ZNF136: variants seen among roughly 807,000 people sequenced by gnomAD.
ZNF136 encodes the protein zinc finger protein 136.
A neutral mutation model predicts 11.4 loss-of-function variants in ZNF136; 8 were observed. The ratio of observed to expected loss-of-function variants is 0.70; its 90% CI spans 0.41 to 1.27. The LOEUF (loss-of-function observed/expected upper bound fraction) is 1.27, where lower values mean the gene tolerates loss of function less well. Ranked by LOEUF, ZNF136 falls within the 50% of genes most tolerant of loss-of-function variation. The pLI is 0.01. For synonymous variants in ZNF136, 190 were observed against 207.1 expected (o/e 0.92, Z 0.71); for missense variants, 590 against 656.5 (o/e 0.90, Z 1.11).
At chr19:12,169,498 A>C (rs893390686) in intron 1 of ZNF136, 3 of 152,146 alleles carry the variant, frequency 2.0e-5, no homozygotes, top group African/African-American at 7.2e-5. Flanking sequence ...AGTGTAGTAA[A>C]CTTTTGAATG....
intron 1 of ZNF136, among the ~76,000 whole-genome samples, chr19:12,165,705 T>C (rs1977176473): frequency 6.6e-6 from 1 of 152,240 alleles, no homozygotes; most frequent in Non-Finnish European, 1.5e-5. Context: ...CACAGTGGTG[T>C]GGATTTTATG....
rs899366176 is a variant in ZNF136, at chr19:12,174,180, C to T, written c.3+10974C>T. ...TCGGCCTCCCAAAGTGCTGAGATTA[C>T]AGGCGTGAGCCACCACATTTGGCCA... On this transcript the variant is annotated intron_variant, in intron 1 of 3. Coordinates refer to ENST00000343979, the MANE Select transcript of ZNF136 (RefSeq NM_003437.5). 3.3e-5 allele frequency among the ~76,000 whole-genome samples: 5 copies of T among 152,336 alleles called. No individual in the cohort carries two copies. The South Asian group carries it at 1.0e-3, about 32-fold the overall frequency.
At chr19:12,173,531 ACT>A (rs1178829851) in intron 1 of ZNF136, among the ~76,000 whole-genome samples, 1 of 152,044 alleles carries the variant, frequency 6.6e-6, no homozygotes, top group Non-Finnish European at 1.5e-5. Flanking sequence ...TCATACTGTA[ACT>A]CTACCGGAAT....
intron 1 of ZNF136, among the ~76,000 whole-genome samples, chr19:12,165,323 C>T (rs2145624717): frequency 6.6e-6 from 1 of 152,222 alleles, no homozygotes; most frequent in East Asian, 1.9e-4. Context: ...TGGAGTCAGA[C>T]GAATGTCTGT....
At position 12,189,257 on chromosome 19, in the gene ZNF136, C is replaced by T. The variant is rs1385641327; in HGVS notation, c.*1256C>T. 6.6e-6 allele frequency: 1 copy of T among 152,194 alleles called. No homozygotes were observed. Among genetic ancestry groups the T allele is most frequent in the African/African-American group, 2.4e-5 (1 of 41,452 alleles). The allele number at this position is 152,194 out of a possible 1,614,324, so 9.4% of individuals were successfully genotyped here. On this transcript the variant is annotated 3_prime_UTR_variant, in exon 4 of 4. Transcript: ENST00000343979. ...AATGTTGGTATGAACCTACTTGCTT[C>T]ATTTAGCAGGTTCTTGATTCCCTTT...
At chr19:12,166,531 A>G (rs1042579171) in intron 1 of ZNF136, among the ~76,000 whole-genome samples, 5 of 152,196 alleles carry the variant, frequency 3.3e-5, no homozygotes, top group African/African-American at 1.2e-4. Context: ...TGCAAGGTGG[A>G]GAATTTGTGA....
intron 1 of ZNF136, among the ~76,000 whole-genome samples, chr19:12,170,786 C>T (rs558176248): frequency 1.3e-5 from 2 of 152,038 alleles, no homozygotes; most frequent in Admixed American, 6.6e-5. Flanking sequence ...TCTCTTGCCT[C>T]AGCCTCCCAA....
In ZNF136 at chr19:12,188,203, A is replaced by G; in HGVS notation, c.*202A>G. 2.3e-6 allele frequency: 1 copy of G among 433,940 alleles called. No homozygotes were observed. The allele number at this position is 433,940 out of a possible 1,614,324, so 26.9% of individuals were successfully genotyped here. A position where few individuals can be genotyped will look rare whatever the true frequency, so the allele number is the denominator to read the frequency against. On this transcript the variant is annotated 3_prime_UTR_variant, in exon 4 of 4. Transcript: ENST00000343979. ...TTTCAAATACATGAAAGAACTCATC[A>G]TGGAGAAAACCAAACAAATGCTTTT... is the stretch of plus-strand genomic sequence containing the variant.
intron 1 of ZNF136, among the ~76,000 whole-genome samples, chr19:12,174,857 CTTTTTTTTTTT>C (rs538143217): frequency 2.3e-5 from 2 of 87,250 alleles, no homozygotes; most frequent in Non-Finnish European, 4.6e-5. Flanking sequence ...GGATGGCTTT[CTTTTTTTTTTT>C]TTTTTTTGAG....
At chr19:12,169,909 C>T (rs1914601445) in intron 1 of ZNF136, among the ~76,000 whole-genome samples, 1 of 152,106 alleles carries the variant, frequency 6.6e-6, no homozygotes, top group South Asian at 2.1e-4. Flanking sequence ...ATTCTCCTGC[C>T]TCAGCCTCCC....
rs1915177379 is a variant in ZNF136 at position 12,188,524 on chromosome 19, G to A, written c.*523G>A. 1 of 152,214 alleles carries A rather than the reference G, an allele frequency of 6.6e-6. No homozygotes were observed. The highest frequency in any genetic ancestry group is 6.5e-5 in the Admixed American group (1 of 15,270). The allele number at this position is 152,214 out of a possible 1,614,324, so 9.4% of individuals were successfully genotyped here. ...TATAAATGTGAAAACTACAAGGAAG[G>A]TTTTCCATTATACTTTTAAAGTCAT... On this transcript the variant is annotated 3_prime_UTR_variant, in exon 4 of 4. Transcript: ENST00000343979.
chr19:12,183,845 T>G (rs1487446236), intron 1 of ZNF136, among the ~76,000 whole-genome samples: 1 of 152,186 alleles, frequency 6.6e-6, no homozygotes, highest in Admixed American at 6.5e-5. Flanking sequence ...CAAACAATCC[T>G]TCTGCCTCAA....
At position 12,188,256 on chromosome 19, in the gene ZNF136, C is replaced by T; in HGVS notation, c.*255C>T. On this transcript the variant is annotated 3_prime_UTR_variant, in exon 4 of 4. Coordinates refer to ENST00000343979, the MANE Select transcript of ZNF136 (RefSeq NM_003437.5). ...GAAAGGAACCCATATTTGAGAGAAACCCTGGGTAAAGGGTGTAGGAAAGGT... is the reference window on the plus strand; with the variant it reads ...GAAAGGAACCCATATTTGAGAGAAATCCTGGGTAAAGGGTGTAGGAAAGGT... 3.0e-6 allele frequency: 1 copy of T among 331,882 alleles called. No individual in the cohort carries two copies. Among genetic ancestry groups the T allele is most frequent in the Non-Finnish European group, 5.5e-6 (1 of 183,482 alleles). The allele number at this position is 331,882 out of a possible 1,614,324, so 20.6% of individuals were successfully genotyped here.
intron 3 of ZNF136, 38 bp from the exon 4 acceptor site, chr19:12,186,532 T>C (rs367662142): frequency 1.1e-4 from 159 of 1,483,730 alleles, no homozygotes; most frequent in Non-Finnish European, 1.3e-4. Flanking sequence ...ATAAAATGAT[T>C]AACAAATCCT....
chr19:12,163,707 T>G (rs772798742), intron 1 of ZNF136: 22 of 156,384 alleles, frequency 1.4e-4, no homozygotes, highest in Non-Finnish European at 2.7e-4. Context: ...CGCCAACCTC[T>G]CCCCTTCCAT....
chr19:12,163,197 T>C lies in ZNF136; in HGVS notation c.-7T>C. On this transcript the variant is annotated 5_prime_UTR_variant, in exon 1 of 4. Coordinates refer to ENST00000343979, the MANE Select transcript of ZNF136 (RefSeq NM_003437.5). Reference sequence around the variant, plus strand: ...GGGAGGAAGCTGGGACACCCGGGAGTCAGGAAATGGTGAGTGTGTCGGGCC... The same window carrying C: ...GGGAGGAAGCTGGGACACCCGGGAGCCAGGAAATGGTGAGTGTGTCGGGCC... 1 of 1,394,400 alleles carries C rather than the reference T, an allele frequency of 7.2e-7. No homozygotes were observed. The highest frequency in any genetic ancestry group is 9.4e-7 in the Non-Finnish European group (1 of 1,067,876). The allele number at this position is 1,394,400 out of a possible 1,614,324, so 86.4% of individuals were successfully genotyped here.
chr19:12,186,694 G>T lies in ZNF136; in HGVS notation c.316G>T (p.Val106Leu). ...IPGVKLCESI[V>L]YGEVSMGQSS... The stretch of plus-strand genomic sequence containing the variant: ...TGGAGTGAAACTCTGTGAAAGCATT[G>T]TATATGGAGAAGTCAGCATGGGTCA... Residue 106 changes from valine to leucine, a missense_variant, in exon 4 of 4, where the codon GTA becomes TTA. Physicochemically the swap from Val to Leu is conservative, Grantham distance 32. Transcript: ENST00000343979. 1 of 1,614,120 alleles carries T rather than the reference G, an allele frequency of 6.2e-7. No individual in the cohort carries two copies. The highest frequency in any genetic ancestry group is 1.1e-5 in the South Asian group (1 of 91,088).
At chr19:12,186,522 A>G (rs780698027) in intron 3 of ZNF136, 48 bp from the exon 4 acceptor site, 1 of 1,432,704 alleles carries the variant, frequency 7.0e-7, no homozygotes, top group Admixed American at 2.2e-5. Flanking sequence ...AGCTATTAAT[A>G]TAAAATGATT....
In ZNF136 at chr19:12,187,975, T is replaced by C; in HGVS notation, c.1597T>C (p.Tyr533His). ...AACACATGCTGAAGATGGACCACCT[T>C]ATAAATGCATGTGGGAAAGCCTTTA... ...MLTHAEDGPP[Y>H]KCMWESL The change falls in exon 4 of 4, where the codon TAT becomes CAT. Residue 533 changes from tyrosine to histidine, a missense_variant. Transcript: ENST00000343979. 1 of 1,531,134 alleles carries C rather than the reference T, an allele frequency of 6.5e-7. No individual in the cohort carries two copies. The highest frequency in any genetic ancestry group is 8.7e-7 in the Non-Finnish European group (1 of 1,144,702). The allele number at this position is 1,531,134 out of a possible 1,614,324, so 94.8% of individuals were successfully genotyped here.
Sources: gnomAD v4.1 joint callset for allele counts (sites outside exome capture counted in the v4.1 genomes callset) on GRCh38, gnomAD v4.1.1 for gene constraint, MANE v1.5 for transcripts, NCBI Gene and HGNC (gene_info 2026-07-23, HGNC 2026-07-21) for gene names.